CEP290: variants seen among roughly 807,000 people sequenced by gnomAD.
The protein encoded by CEP290 is centrosomal protein 290.
Under a neutral mutation model 344.9 loss-of-function variants are expected in CEP290, and 317 were observed. That is an observed-to-expected ratio of 0.92 (90% CI 0.84 to 1.01). CEP290 has a LOEUF of 1.01. Ranked by LOEUF, CEP290 falls within the 50% of genes least tolerant of loss-of-function variation. CEP290 has a pLI of 0.00. For synonymous variants in CEP290, 932 were observed against 895.8 expected (o/e 1.04, Z -0.72); for missense variants, 2,754 against 2,761.4 (o/e 1.00, Z 0.06).
chr12:88,065,522 A>C (rs1305057122), intron 44 of CEP290, among the ~76,000 whole-genome samples: 1 of 152,188 alleles, frequency 6.6e-6, no homozygotes, highest in Non-Finnish European at 1.5e-5. Context: ...ACAGTTTATA[A>C]GTGAAGGCAT....
At chr12:88,090,894 C>A (rs959146837) in intron 29 of CEP290, 55 bp from the exon 30 acceptor site, 1 of 1,102,128 alleles carries the variant, frequency 9.1e-7, no homozygotes, top group Non-Finnish European at 1.3e-6. Context: ...TAAGTAAATG[C>A]CAAAATTCAA....
At chr12:88,050,843 T>C (rs1209388911) in intron 52 of CEP290, among the ~76,000 whole-genome samples, 1 of 152,176 alleles carries the variant, frequency 6.6e-6, no homozygotes, top group Non-Finnish European at 1.5e-5. Flanking sequence ...GGCTATTCCA[T>C]GTAGGTTATT....
At chr12:88,123,073 C>T (rs2039511401) in intron 13 of CEP290, among the ~76,000 whole-genome samples, 2 of 152,092 alleles carry the variant, frequency 1.3e-5, no homozygotes. Context: ...TTCTTTTCTA[C>T]AATTATGGAT....
intron 22 of CEP290, among the ~76,000 whole-genome samples, chr12:88,110,573 G>A (rs1176992349): frequency 6.6e-6 from 1 of 151,966 alleles, no homozygotes; most frequent in African/African-American, 2.4e-5. Context: ...AAATTAGCCA[G>A]GGATGCATGC....
At chr12:88,130,603 GAAAGGTA>G (rs767598854) in intron 7 of CEP290, 38 bp from the exon 8 acceptor site, 160 of 1,514,448 alleles carry the variant, frequency 1.1e-4, no homozygotes, top group Non-Finnish European at 1.4e-4. Context: ...TTAGAAATGA[GAAAGGTA>G]ATACATAATT....
At chr12:88,089,854 G>T (rs1298752381) in intron 30 of CEP290, among the ~76,000 whole-genome samples, 1 of 151,886 alleles carries the variant, frequency 6.6e-6, no homozygotes, top group East Asian at 1.9e-4. Flanking sequence ...AGCCTCCTGG[G>T]TAGCTGGGAT....
chr12:88,136,995 G>A (rs962932911), intron 5 of CEP290, among the ~76,000 whole-genome samples: 1 of 150,986 alleles, frequency 6.6e-6, no homozygotes, highest in Non-Finnish European at 1.5e-5. Context: ...AATTTTTCCT[G>A]AGCCACCCAG....
chr12:88,070,968 A>G (rs769001128), intron 43 of CEP290, among the ~76,000 whole-genome samples: 1 of 152,164 alleles, frequency 6.6e-6, no homozygotes, highest in Non-Finnish European at 1.5e-5. Flanking sequence ...AGAGTATTGA[A>G]AAGGCTTTGA....
intron 37 of CEP290, among the ~76,000 whole-genome samples, chr12:88,081,571 T>C (rs905245761): frequency 1.3e-5 from 2 of 152,186 alleles, no homozygotes; most frequent in African/African-American, 4.8e-5. Flanking sequence ...TTCTTGCTTT[T>C]GGCAAAACTT....
intron 47 of CEP290, 142 bp downstream of exon 47, chr12:88,060,688 A>T (rs927403946): frequency 1.5e-5 from 9 of 598,724 alleles, no homozygotes; most frequent in Non-Finnish European, 2.2e-5. Context: ...CTTGCCTCTC[A>T]TAAGTTTTTT....
intron 29 of CEP290, among the ~76,000 whole-genome samples, chr12:88,092,165 C>A (rs1382817701): frequency 1.3e-5 from 2 of 152,082 alleles, no homozygotes; most frequent in South Asian, 4.1e-4. Flanking sequence ...AAAAATATAA[C>A]CTCAAGGTTA....
At chr12:88,107,695 A>G (rs2471523) in intron 23 of CEP290, among the ~76,000 whole-genome samples, 128,151 of 151,860 alleles carry the variant, frequency 0.84, 55,423 homozygotes, top group East Asian at 0.96. Context: ...GAGGCTAGGA[A>G]TTTTGAGACT....
chr12:88,139,188 T>C lies in CEP290; in HGVS notation c.254A>G (p.Asn85Ser). ...TTTCATTACTTTAGTTTTTAATTGATTTTCTATTTTTTTAAAAAAAAAGAA... is the reference window on the plus strand; with the variant it reads ...TTTCATTACTTTAGTTTTTAATTGACTTTCTATTTTTTTAAAAAAAAAGAA... ...KAGEEQAKFE[N>S]QLKTKVMKLE... is the part of the protein sequence containing the mutation. The change falls in exon 5 of 54, where the codon AAT becomes AGT. Residue 85 changes from asparagine to serine, a missense_variant. Physicochemically the swap from Asn to Ser is conservative, Grantham distance 46. Transcript: ENST00000552810. The C allele has an allele frequency of 8.9e-7, 1 of 1,128,780 alleles. No individual in the cohort carries two copies. The highest frequency in any genetic ancestry group is 1.2e-6 in the Non-Finnish European group (1 of 817,432). 69.9% of individuals were successfully genotyped at this position (1,128,780 alleles called of 1,614,324 possible).
rs2035112159 is a variant in CEP290, at chr12:88,068,502, A to T, written c.6135+20T>A. The stretch of plus-strand genomic sequence containing the variant: ...TTTAACATGGAAAAAAGAAAAAAAT[A>T]ATAAAAGATATACACTTACTGAAGG... On this transcript the variant is annotated intron_variant, in intron 44 of 53. Transcript: ENST00000552810. 7.2e-7 allele frequency: 1 copy of T among 1,395,146 alleles called. No individual in the cohort carries two copies. Among genetic ancestry groups the T allele is most frequent in the African/African-American group, 1.5e-5 (1 of 65,888 alleles). The allele number at this position is 1,395,146 out of a possible 1,614,324, so 86.4% of individuals were successfully genotyped here.
Position 88,077,874 on chromosome 12 carries a change from T to G in CEP290, c.5409A>C (p.Glu1803Asp), listed in dbSNP as rs978733367. ...DLNENLLKLK[E>D]ALKTSKNREN... Reference sequence around the variant, plus strand: ...CTCTGTTTTTACTTGTTTTAAGTGCTTCTTTCAATTTTAAAAGATTTTCAT... The same window carrying G: ...CTCTGTTTTTACTTGTTTTAAGTGCGTCTTTCAATTTTAAAAGATTTTCAT... Residue 1803 changes from glutamate to aspartate, a missense_variant, in exon 40 of 54, where the codon GAA (glutamate) becomes GAC (aspartate). By Grantham distance (45) the Glu-to-Asp change is conservative. Transcript: ENST00000552810. 1 of 1,406,678 alleles carries G rather than the reference T, an allele frequency of 7.1e-7. No individual in the cohort carries two copies. 87.1% of individuals were successfully genotyped at this position (1,406,678 alleles called of 1,614,324 possible). A position where few individuals can be genotyped will look rare whatever the true frequency, so the allele number is the denominator to read the frequency against.
chr12:88,070,790 A>AC (rs2035313349), intron 43 of CEP290, among the ~76,000 whole-genome samples: 2 of 152,142 alleles, frequency 1.3e-5, no homozygotes, highest in Non-Finnish European at 2.9e-5. Context: ...GAGGAGCTCA[A>AC]GAAAGGGACC....
rs74316963 is a variant in CEP290 at position 88,137,953 on chromosome 12, G to T, written c.298-1167C>A. ...AAGCCACCAACCTTCCAGTAACTCCGCAAAATGCACTGGGAATTTAAGCAT... is the reference window on the plus strand; with the variant it reads ...AAGCCACCAACCTTCCAGTAACTCCTCAAAATGCACTGGGAATTTAAGCAT... On this transcript the variant is annotated intron_variant, in intron 5 of 53. Transcript: ENST00000552810. Among the ~76,000 whole-genome samples, 1,039 of 152,194 alleles carry T rather than the reference G, an allele frequency of 6.8e-3. 16 individuals carry two copies. The highest frequency in any genetic ancestry group is 0.024 in the African/African-American group (1,000 of 41,514).
chr12:88,132,981 G>A (rs2040160384), intron 6 of CEP290, among the ~76,000 whole-genome samples: 1 of 151,762 alleles, frequency 6.6e-6, no homozygotes, highest in Non-Finnish European at 1.5e-5. Flanking sequence ...AGAACATGCA[G>A]TGTTTGGTTT....
At chr12:88,125,466 GA>G in intron 12 of CEP290, 97 bp from the exon 13 acceptor site, 1 of 521,110 alleles carries the variant, frequency 1.9e-6, no homozygotes, top group East Asian at 4.0e-5. Flanking sequence ...CAAGACTGTA[GA>G]ACATATTTTC....
Sources: allele counts gnomAD v4.1 joint callset (sites outside exome capture counted in the v4.1 genomes callset), GRCh38; gene constraint gnomAD v4.1.1; transcripts MANE v1.5; gene names NCBI Gene and HGNC (gene_info 2026-07-23, HGNC 2026-07-21).